Variants in PDGFRA observed in about 807,000 individuals in gnomAD.
PDGFRA encodes the protein platelet-derived growth factor receptor alpha.
PDGFRA carries 25 observed loss-of-function variants against 121.5 expected under a neutral mutation model. The ratio of observed to expected loss-of-function variants is 0.21; its 90% CI spans 0.15 to 0.29. The LOEUF is 0.29. Ranked by LOEUF, PDGFRA falls within the 10% of genes least tolerant of loss-of-function variation. The probability of loss-of-function intolerance (pLI) is 1.00; values close to 1 mark genes in which losing one functional copy is unlikely to be tolerated. For synonymous variants in PDGFRA, 463 were observed against 494.8 expected (o/e 0.94, Z 0.85); for missense variants, 1,008 against 1,345.1 (o/e 0.75, Z 3.92).
intron 22 of PDGFRA, among the ~76,000 whole-genome samples, chr4:54,292,554 CT>C (rs1483104810): frequency 2.0e-5 from 3 of 152,122 alleles, no homozygotes; most frequent in African/African-American, 7.2e-5. Context: ...GGAAGAATAG[CT>C]AATGGATACT....
intron 5 of PDGFRA, among the ~76,000 whole-genome samples, chr4:54,266,493 C>A (rs1723033793): frequency 6.6e-6 from 1 of 151,404 alleles, no homozygotes; most frequent in Non-Finnish European, 1.5e-5. Context: ...GTGATCCTCC[C>A]ACCTTGGCCT....
intron 22 of PDGFRA, among the ~76,000 whole-genome samples, chr4:54,293,830 C>T (rs907689845): frequency 6.6e-6 from 1 of 151,670 alleles, no homozygotes; most frequent in Non-Finnish European, 1.5e-5. Flanking sequence ...CCCCAGTTCT[C>T]CGCTGTCTTT....
At chr4:54,242,746 A>T (rs1190701742) in intron 1 of PDGFRA, among the ~76,000 whole-genome samples, 2 of 152,088 alleles carry the variant, frequency 1.3e-5, no homozygotes, top group Non-Finnish European at 2.9e-5. Context: ...TAGAGGACCT[A>T]AGATAATTTC....
chr4:54,256,636 C>T (rs1051750679), intron 1 of PDGFRA, among the ~76,000 whole-genome samples: 3 of 151,908 alleles, frequency 2.0e-5, no homozygotes, highest in Admixed American at 6.6e-5. Context: ...CCTCTGCCTC[C>T]CTGGTTCAAG....
chr4:54,246,371 C>T (rs545704074), intron 1 of PDGFRA, among the ~76,000 whole-genome samples: 2 of 152,336 alleles, frequency 1.3e-5, no homozygotes, highest in Admixed American at 6.5e-5. Context: ...AACTGTCTCT[C>T]AGACCACAGT....
At chr4:54,284,905 A>C (rs1231507741) in intron 16 of PDGFRA, among the ~76,000 whole-genome samples, 1 of 104,248 alleles carries the variant, frequency 9.6e-6, no homozygotes, top group Non-Finnish European at 1.8e-5. Flanking sequence ...TTTTTTTGAG[A>C]CAGAGTCTCA....
At chr4:54,233,766 G>A (rs912924070) in intron 1 of PDGFRA, among the ~76,000 whole-genome samples, 4 of 152,220 alleles carry the variant, frequency 2.6e-5, no homozygotes, top group African/African-American at 4.8e-5. Context: ...GTGCGTTCTT[G>A]GGGGGCAGGC....
At chr4:54,260,520 C>T (rs1160623302) in intron 2 of PDGFRA, among the ~76,000 whole-genome samples, 1 of 151,020 alleles carries the variant, frequency 6.6e-6, no homozygotes, top group Admixed American at 6.6e-5. Flanking sequence ...CCACCTCAGC[C>T]TCCAGAGTAG....
Position 54,273,738 on chromosome 4 carries a change from C to T in PDGFRA, c.1558+8C>T, listed in dbSNP as rs1198746578. The T allele has an allele frequency of 3.1e-6, 5 of 1,610,216 alleles. No individual in the cohort carries two copies. The South Asian group carries it at 4.4e-5, about 14-fold the overall frequency. On this transcript the variant is annotated splice_region_variant and intron_variant, in intron 10 of 22. Coordinates refer to ENST00000257290, the MANE Select transcript of PDGFRA (RefSeq NM_006206.6). Reference sequence around the variant, plus strand: ...TGAAGCTGGTGGCTCCCAGTGAGTTCCTCAACAGTCAGGACAACTCATCAG... The same window carrying T: ...TGAAGCTGGTGGCTCCCAGTGAGTTTCTCAACAGTCAGGACAACTCATCAG...
At chr4:54,282,758 G>T (rs1004405361) in intron 16 of PDGFRA, among the ~76,000 whole-genome samples, 1 of 152,156 alleles carries the variant, frequency 6.6e-6, no homozygotes, top group Non-Finnish European at 1.5e-5. Context: ...ACACAAGGCA[G>T]GTCCCTTCCA....
chr4:54,264,048 G>A, intron 4 of PDGFRA, 121 bp downstream of exon 4: 1 of 857,474 alleles, frequency 1.2e-6, no homozygotes, highest in Non-Finnish European at 1.8e-6. Flanking sequence ...CTGATTTGGG[G>A]ATTTAGGACC....
At chr4:54,272,307 T>C in intron 8 of PDGFRA, 87 bp from the exon 9 acceptor site, 1 of 1,434,620 alleles carries the variant, frequency 7.0e-7, no homozygotes, top group East Asian at 2.3e-5. Flanking sequence ...GCCATGTAGA[T>C]GAGTTGTGAA....
At chr4:54,245,980 A>C (rs1171607745) in intron 1 of PDGFRA, among the ~76,000 whole-genome samples, 3 of 152,184 alleles carry the variant, frequency 2.0e-5, no homozygotes, top group Admixed American at 1.3e-4. Context: ...CCATTACATA[A>C]TGGTAAAGGG....
At position 54,261,109 on chromosome 4, in the gene PDGFRA, C is replaced by T. The variant is rs975510328; in HGVS notation, c.64C>T (p.Leu22Phe). 5.6e-6 allele frequency: 9 copies of T among 1,614,114 alleles called. No homozygotes were observed. Among genetic ancestry groups the T allele is most frequent in the Non-Finnish European group, 6.8e-6 (8 of 1,179,978 alleles). ...GCLLTGLSLI[L>F]CQLSLPSILP... is the part of the protein sequence containing the mutation. Reference sequence around the variant, plus strand: ...TCCTTTTGCAGGGCTGAGCCTAATCCTCTGCCAGCTTTCATTACCCTCTAT... The same window carrying T: ...TCCTTTTGCAGGGCTGAGCCTAATCTTCTGCCAGCTTTCATTACCCTCTAT... Residue 22 changes from leucine to phenylalanine, a missense_variant, in exon 3 of 23, where the codon CTC becomes TTC. By Grantham distance (22) the Leu-to-Phe change is conservative. Around this residue, in one of 5 missense-constraint regions of PDGFRA, gnomAD observed 575 missense variants for 701.8 expected, o/e 0.82. Transcript: ENST00000257290.
chr4:54,235,265 A>T (rs1720947790), intron 1 of PDGFRA, among the ~76,000 whole-genome samples: 1 of 152,196 alleles, frequency 6.6e-6, no homozygotes, highest in Non-Finnish European at 1.5e-5. Context: ...GTCTTTAATC[A>T]TGTGAGGGTG....
chr4:54,247,276 T>G (rs1721735637), intron 1 of PDGFRA, among the ~76,000 whole-genome samples: 1 of 152,102 alleles, frequency 6.6e-6, no homozygotes, highest in South Asian at 2.1e-4. Flanking sequence ...AAAAAGAGAA[T>G]TTTAGACCAA....
At chr4:54,239,082 C>A (rs1312792744) in intron 1 of PDGFRA, among the ~76,000 whole-genome samples, 1 of 152,214 alleles carries the variant, frequency 6.6e-6, no homozygotes, top group Admixed American at 6.5e-5. Flanking sequence ...CTCTGGTCAT[C>A]CCTACTGCTT....
In PDGFRA at chr4:54,295,210, A is replaced by G. The variant is rs770192760; in HGVS notation, c.3208A>G (p.Ile1070Val). Reference protein sequence around the residue: ...IKREDETIEDIDMMDDIGIDS... With the variant: ...IKREDETIEDVDMMDDIGIDS... ...GAGAGAGGACGAGACCATTGAAGACATCGACATGATGGATGACATCGGCAT... is the reference window on the plus strand; with the variant it reads ...GAGAGAGGACGAGACCATTGAAGACGTCGACATGATGGATGACATCGGCAT... Residue 1070 changes from isoleucine (I) to valine (V), a missense_variant, in exon 23 of 23, where the codon ATC (isoleucine) becomes GTC (valine). Ile to Val is a conservative substitution (Grantham distance 29). Transcript: ENST00000257290. The G allele has an allele frequency of 1.2e-6, 2 of 1,613,876 alleles. No homozygotes were observed. Among genetic ancestry groups the G allele is most frequent in the Admixed American group, 1.7e-5 (1 of 60,018 alleles).
At chr4:54,234,972 A>T (rs1430705879) in intron 1 of PDGFRA, among the ~76,000 whole-genome samples, 2 of 152,126 alleles carry the variant, frequency 1.3e-5, no homozygotes, top group East Asian at 3.8e-4. Context: ...CCATTACTGG[A>T]ATGTCTGATG....
Sources: allele counts gnomAD v4.1 joint callset (sites outside exome capture counted in the v4.1 genomes callset), GRCh38; gene constraint gnomAD v4.1.1; regional missense constraint gnomAD v4.1.1; transcripts MANE v1.5; gene names NCBI Gene and HGNC (gene_info 2026-07-23, HGNC 2026-07-21).